ZNF577: variants seen among roughly 807,000 people sequenced by gnomAD.
The protein encoded by ZNF577 is zinc finger protein 577.
A neutral mutation model predicts 13.9 loss-of-function variants in ZNF577; 14 were observed. The observed-to-expected ratio is 1.00, with a 90% CI of 0.66 to 1.57. The LOEUF (loss-of-function observed/expected upper bound fraction) is 1.57. ZNF577 is among the 40% of genes most tolerant of loss of function. The pLI is 0.00. For synonymous variants in ZNF577, 203 were observed against 202.9 expected, an observed-to-expected ratio of 1.00 and a Z score of 0.00; for missense variants, 555 against 579.2, an observed-to-expected ratio of 0.96 and a Z score of 0.43.
At chr19:51,834,750 C>G (rs558602662) in intron 9 of ZNF577, among the ~76,000 whole-genome samples, 1 of 152,116 alleles carries the variant, frequency 6.6e-6, no homozygotes, top group Non-Finnish European at 1.5e-5. Context: ...GTGGCAGAAT[C>G]ACGGCTCACT....
intron 5 of ZNF577, among the ~76,000 whole-genome samples, chr19:51,846,328 G>A (rs1000472051): frequency 1.3e-5 from 2 of 152,114 alleles, no homozygotes; most frequent in Non-Finnish European, 2.9e-5. Flanking sequence ...CTATTAATAC[G>A]TATTTGCAGA....
chr19:51,873,231 C>G lies in ZNF577; in HGVS notation c.759G>C (p.Arg253=). The part of the protein sequence containing the change: ...RCSKCGKAFS[R]KCRLNRHQRS... ...GCTGATGTCTATTGAGCCGGCACTTCCGGCTGAAGGCTTTTCCGCATTTGC... is the reference window on the plus strand; with the variant it reads ...GCTGATGTCTATTGAGCCGGCACTTGCGGCTGAAGGCTTTTCCGCATTTGC... Residue 253 remains arginine, a synonymous_variant, in exon 6 of 6, where the codon CGG becomes CGC. Transcript: ENST00000638348. The G allele has an allele frequency of 6.2e-7, 1 of 1,613,916 alleles. No individual in the cohort carries two copies. Among genetic ancestry groups the G allele is most frequent in the Non-Finnish European group, 8.5e-7 (1 of 1,179,820 alleles).
At chr19:51,880,479 A>T in intron 2 of ZNF577, 78 bp from the exon 3 acceptor site, 1 of 1,294,716 alleles carries the variant, frequency 7.7e-7, no homozygotes. Context: ...ATGTTCCGAC[A>T]TTAAGAACTT....
chr19:51,810,024 T>C (rs548005050), intron 10 of ZNF577, among the ~76,000 whole-genome samples: 11 of 152,268 alleles, frequency 7.2e-5, no homozygotes, highest in African/African-American at 2.4e-4. Flanking sequence ...AGTCCTGGCA[T>C]TTTTTCCACT....
intron 5 of ZNF577, among the ~76,000 whole-genome samples, chr19:51,857,392 A>AAG (rs1186309063): frequency 8.2e-6 from 1 of 121,754 alleles, no homozygotes; most frequent in Non-Finnish European, 1.6e-5. Context: ...GAAAGAAAGA[A>AAG]AGAAAGAAAG....
Position 51,867,657 on chromosome 19 carries a change from C to T in ZNF577, c.*4875G>A, listed in dbSNP as rs1157931509. Among the ~76,000 whole-genome samples the T allele has an allele frequency of 2.0e-5, 3 of 151,524 alleles. No homozygotes were observed. Among genetic ancestry groups the T allele is most frequent in the African/African-American group, 7.3e-5 (3 of 41,260 alleles). On this transcript the variant is annotated 3_prime_UTR_variant, in exon 6 of 6. Coordinates refer to ENST00000638348, the MANE Select transcript of ZNF577 (RefSeq NM_001370449.1). Reference sequence around the variant, plus strand: ...AAAATTAGCCGGGTGTGGTGGCAGGCACCTGTAATCCCAGCTACTCAGGAA... The same window carrying T: ...AAAATTAGCCGGGTGTGGTGGCAGGTACCTGTAATCCCAGCTACTCAGGAA...
At chr19:51,879,231 T>C (rs1202678308) in intron 3 of ZNF577, among the ~76,000 whole-genome samples, 1 of 135,560 alleles carries the variant, frequency 7.4e-6, no homozygotes, top group Non-Finnish European at 1.6e-5. Flanking sequence ...CACTGCAGCC[T>C]GGGCGACAGA....
Position 51,872,791 on chromosome 19 carries a change from A to G in ZNF577, c.1199T>C (p.Met400Thr), listed in dbSNP as rs1284974031. Residue 400 changes from methionine (M) to threonine (T), a missense_variant, in exon 6 of 6, where the codon ATG becomes ACG. By Grantham distance (81) the Met-to-Thr change is moderately conservative (BLOSUM62 -1). Transcript: ENST00000638348. ...PSSRSHTSLY[M>T]SELIQEQKTV... ...CTTTTGCTCTTGTATGAGTTCGCTC[A>G]TGTATAAGGAGGTATGACTCCTTGA... is the stretch of plus-strand genomic sequence containing the variant. 6.2e-7 allele frequency: 1 copy of G among 1,614,220 alleles called. No individual in the cohort carries two copies. The highest frequency in any genetic ancestry group is 8.5e-7 in the Non-Finnish European group (1 of 1,180,042).
chr19:51,823,845 C>T (rs1002074327), intron 9 of ZNF577: 2 of 1,614,006 alleles, frequency 1.2e-6, no homozygotes, highest in Non-Finnish European at 1.7e-6. Flanking sequence ...ATTGCTAGTC[C>T]ACGGAGTCAC....
At chr19:51,878,247 AATTTTATGTTATAT>A (rs2084798169) in intron 4 of ZNF577, 128 bp downstream of exon 4, 1 of 923,366 alleles carries the variant, frequency 1.1e-6, no homozygotes, top group South Asian at 2.4e-5. Context: ...TAAGACGGTA[AATTTTATGTTATAT>A]ATTTTACCAC....
At chr19:51,841,620 A>G (rs4802881) in intron 8 of ZNF577, among the ~76,000 whole-genome samples, 11,606 of 152,184 alleles carry the variant, frequency 0.076, 665 homozygotes, top group South Asian at 0.22. Context: ...AAAAAAATCT[A>G]TAGATAGAAA....
intron 1 of ZNF577, among the ~76,000 whole-genome samples, chr19:51,881,451 C>G (rs2084860792): frequency 6.6e-6 from 1 of 152,134 alleles, no homozygotes; most frequent in Non-Finnish European, 1.5e-5. Flanking sequence ...CTTACTAAAC[C>G]CTCGATACTA....
chr19:51,880,012 ATTC>A (rs1237552795), intron 3 of ZNF577, among the ~76,000 whole-genome samples: 2 of 152,194 alleles, frequency 1.3e-5, no homozygotes. Flanking sequence ...GGATGAGAGA[ATTC>A]TTCTTCAGGG....
Position 51,873,498 on chromosome 19 carries a change from C to A in ZNF577, c.492G>T (p.Gly164=). The A allele has an allele frequency of 6.2e-7, 1 of 1,614,176 alleles. No homozygotes were observed. Among genetic ancestry groups the A allele is most frequent in the South Asian group, 1.1e-5 (1 of 91,084 alleles). ...GCTGTGCTTTCCTGGAGAAGGCTCTCCCGCACACACTGCATTCATGTGGTT... is the reference window on the plus strand; with the variant it reads ...GCTGTGCTTTCCTGGAGAAGGCTCTACCGCACACACTGCATTCATGTGGTT... ...GGKPHECSVC[G]RAFSRKAQLI... Residue 164 remains glycine, a synonymous_variant, in exon 6 of 6, where the codon GGG becomes GGT. Coordinates refer to ENST00000638348, the MANE Select transcript of ZNF577 (RefSeq NM_001370449.1).
chr19:51,872,937 C>T lies in ZNF577; in HGVS notation c.1053G>A (p.Glu351=), dbSNP rs1163644772. The change falls in exon 6 of 6, where the codon GAG becomes GAA. Residue 351 remains glutamate (E), a synonymous_variant. Transcript: ENST00000638348. ...CACATTCTCTGCATGAATATGGTCT[C>T]TCTCCAGTGTGAGTACGCTGATGCT... ...LIQHQRTHTG[E]RPYSCRECGK... 1.9e-6 allele frequency: 3 copies of T among 1,614,094 alleles called. No individual in the cohort carries two copies. Among genetic ancestry groups the T allele is most frequent in the Non-Finnish European group, 2.5e-6 (3 of 1,180,046 alleles).
chr19:51,817,207 C>T (rs1005191621), intron 9 of ZNF577, among the ~76,000 whole-genome samples: 3 of 152,060 alleles, frequency 2.0e-5, no homozygotes, highest in Non-Finnish European at 4.4e-5. Flanking sequence ...TCCATTGTTC[C>T]CTTGTCCTTC....
intron 9 of ZNF577, among the ~76,000 whole-genome samples, chr19:51,826,458 G>A (rs1001427452): frequency 1.6e-4 from 25 of 152,252 alleles, no homozygotes; most frequent in East Asian, 7.7e-4. Flanking sequence ...ATATAGGTTC[G>A]ATTTCTTTAA....
chr19:51,853,419 A>C (rs1363657581), intron 5 of ZNF577, among the ~76,000 whole-genome samples: 1 of 152,224 alleles, frequency 6.6e-6, no homozygotes, highest in African/African-American at 2.4e-5. Context: ...AGGAGCCAGT[A>C]ATCTCATGCA....
Position 51,872,896 on chromosome 19 carries a change from T to A in ZNF577, c.1094A>T (p.His365Leu). 3 of 1,614,232 alleles carry A rather than the reference T, an allele frequency of 1.9e-6. No homozygotes were observed. The highest frequency in any genetic ancestry group is 2.5e-6 in the Non-Finnish European group (3 of 1,180,038). ...CTCATGTTTAATGAGGACTGACATGTGGGCAAAGGCTTTGCCACATTCTCT... is the reference window on the plus strand; with the variant it reads ...CTCATGTTTAATGAGGACTGACATGAGGGCAAAGGCTTTGCCACATTCTCT... ...SCRECGKAFA[H>L]MSVLIKHEKT... Residue 365 changes from histidine (H) to leucine (L), a missense_variant, in exon 6 of 6, where the codon CAC becomes CTC. Coordinates refer to ENST00000638348, the MANE Select transcript of ZNF577 (RefSeq NM_001370449.1).
Sources: allele counts gnomAD v4.1 joint callset (sites outside exome capture counted in the v4.1 genomes callset), GRCh38; gene constraint gnomAD v4.1.1; transcripts MANE v1.5; gene names NCBI Gene and HGNC (gene_info 2026-07-23, HGNC 2026-07-21).